The following ARHGAP28 variants were observed in gnomAD, a reference collection of about 807,000 sequenced individuals.
The protein encoded by ARHGAP28 is Rho GTPase activating protein 28.
Under a neutral mutation model 90.7 loss-of-function variants are expected in ARHGAP28, and 56 were observed. The ratio of observed to expected loss-of-function variants is 0.62; its 90% CI spans 0.50 to 0.77. The LOEUF is 0.77. Ranked by LOEUF, ARHGAP28 falls within the 30% of genes least tolerant of loss-of-function variation. ARHGAP28 has a pLI of 0.00. For missense variants in ARHGAP28, 869 were observed against 900.9 expected (o/e 0.96, Z 0.45); for synonymous variants, 308 against 323.3 (o/e 0.95, Z 0.51).
chr18:6,885,962 C>G (rs684098), intron 11 of ARHGAP28, among the ~76,000 whole-genome samples: 123,973 of 152,112 alleles, frequency 0.82, 50,770 homozygotes, highest in Non-Finnish European at 0.86. Context: ...TGTATTTGCT[C>G]TTTTCAGTAA....
chr18:6,768,167 C>T (rs983222882), intron 1 of ARHGAP28, among the ~76,000 whole-genome samples: 18 of 152,024 alleles, frequency 1.2e-4, no homozygotes, highest in Non-Finnish European at 2.4e-4. Context: ...TCTCCCATTT[C>T]TCTCCTCTTA....
intron 1 of ARHGAP28, among the ~76,000 whole-genome samples, chr18:6,765,990 T>G (rs983653095): frequency 6.6e-6 from 1 of 152,224 alleles, no homozygotes; most frequent in Non-Finnish European, 1.5e-5. Flanking sequence ...TTGCATGAAT[T>G]AAGTCCTTTA....
chr18:6,731,126 G>A (rs2055877771), intron 1 of ARHGAP28, among the ~76,000 whole-genome samples: 1 of 140,518 alleles, frequency 7.1e-6, no homozygotes, highest in Non-Finnish European at 1.6e-5. Context: ...AAAGACAGTG[G>A]GAAAATCACA....
At chr18:6,907,788 G>A (rs1179107404) in intron 16 of ARHGAP28, among the ~76,000 whole-genome samples, 1 of 152,182 alleles carries the variant, frequency 6.6e-6, no homozygotes, top group Non-Finnish European at 1.5e-5. Context: ...AGTTTTGTGA[G>A]ATGTTACTAT....
chr18:6,794,122 G>A (rs565174898), intron 1 of ARHGAP28, among the ~76,000 whole-genome samples: 6 of 152,238 alleles, frequency 3.9e-5, no homozygotes, highest in African/African-American at 1.2e-4. Flanking sequence ...AGAAAATTGT[G>A]CTTAAAATAG....
intron 1 of ARHGAP28, among the ~76,000 whole-genome samples, chr18:6,778,147 A>G (rs893948572): frequency 8.5e-5 from 13 of 152,182 alleles, no homozygotes; most frequent in African/African-American, 2.9e-4. Flanking sequence ...GGAGATGTGT[A>G]TAACTCATTC....
chr18:6,907,149 G>A (rs2057368547), intron 16 of ARHGAP28, among the ~76,000 whole-genome samples: 1 of 152,148 alleles, frequency 6.6e-6, no homozygotes, highest in Non-Finnish European at 1.5e-5. Context: ...AAAAAATAGT[G>A]ACAACACCAA....
In ARHGAP28 at chr18:6,870,969, T is replaced by G. The variant is rs747813806; in HGVS notation, c.954+237T>G. 7.0e-4 allele frequency among the ~76,000 whole-genome samples: 106 copies of G among 152,040 alleles called. 2 individuals are homozygous for G. The highest frequency in any genetic ancestry group is 7.8e-4 in the Non-Finnish European group (53 of 67,986). On this transcript the variant is annotated intron_variant, in intron 7 of 17. Coordinates refer to ENST00000383472, the MANE Select transcript of ARHGAP28 (RefSeq NM_001366230.1). ...GCACCTGCCAACTTGCCCGGCTAAT[T>G]TTTTGTATTTTTGGTAGAGATGGGG... is the stretch of plus-strand genomic sequence containing the variant.
chr18:6,730,023 G>C, intron 1 of ARHGAP28, 80 bp downstream of exon 1: 3 of 1,253,422 alleles, frequency 2.4e-6, no homozygotes, highest in Non-Finnish European at 2.0e-6. Context: ...CCTTGTGCCT[G>C]AGCGCACGAC....
intron 1 of ARHGAP28, among the ~76,000 whole-genome samples, chr18:6,761,534 A>AT (rs1365427091): frequency 6.6e-6 from 1 of 152,142 alleles, no homozygotes; most frequent in Non-Finnish European, 1.5e-5. Flanking sequence ...CACAGCATGA[A>AT]TCTGGGCTCC....
intron 7 of ARHGAP28, 81 bp downstream of exon 7, chr18:6,870,813 T>G (rs2057078374): frequency 6.2e-6 from 9 of 1,453,320 alleles, no homozygotes; most frequent in Non-Finnish European, 8.3e-6. Context: ...TTCTTTTTTT[T>G]TTTTGAGACG....
chr18:6,789,695 T>G (rs2056392003), intron 1 of ARHGAP28: 1 of 152,086 alleles, frequency 6.6e-6, no homozygotes, highest in Non-Finnish European at 1.5e-5. Context: ...TACATCCCAA[T>G]TTTTAATTTA....
chr18:6,745,983 G>A (rs539486424), intron 1 of ARHGAP28, among the ~76,000 whole-genome samples: 45 of 152,278 alleles, frequency 3.0e-4, no homozygotes, highest in Middle Eastern at 6.8e-3. Flanking sequence ...TGCATCTGGA[G>A]ACTCATTTCT....
chr18:6,880,749 C>T (rs2057171451), intron 10 of ARHGAP28, among the ~76,000 whole-genome samples: 1 of 152,164 alleles, frequency 6.6e-6, no homozygotes, highest in Non-Finnish European at 1.5e-5. Context: ...GAGTTTGACT[C>T]CTCTCTTTCC....
chr18:6,890,668 T>C (rs939957815), intron 14 of ARHGAP28, 125 bp downstream of exon 14: 4 of 576,298 alleles, frequency 6.9e-6, no homozygotes, highest in Admixed American at 6.4e-5. Context: ...GGGAGTGTTG[T>C]AACTATAAAC....
chr18:6,843,629 A>G (rs899934833), intron 3 of ARHGAP28, among the ~76,000 whole-genome samples: 1 of 152,188 alleles, frequency 6.6e-6, no homozygotes, highest in African/African-American at 2.4e-5. Flanking sequence ...ACTTGGAGTA[A>G]TTTGCAGGGA....
intron 1 of ARHGAP28, among the ~76,000 whole-genome samples, chr18:6,761,422 G>C (rs368704147): frequency 3.3e-5 from 5 of 152,162 alleles, no homozygotes; most frequent in African/African-American, 1.2e-4. Context: ...AGTTGGAAAG[G>C]CTGCTTATGT....
At chr18:6,858,719 T>C (rs1031451153) in intron 4 of ARHGAP28, among the ~76,000 whole-genome samples, 1 of 152,044 alleles carries the variant, frequency 6.6e-6, no homozygotes, top group Non-Finnish European at 1.5e-5. Flanking sequence ...TCAGTAGAGA[T>C]GGGGTTTCCC....
chr18:6,747,071 CT>C (rs5822923), intron 1 of ARHGAP28, among the ~76,000 whole-genome samples: 66,857 of 138,556 alleles, frequency 0.48, 15,595 homozygotes, highest in South Asian at 0.61. Context: ...CATTTATTTT[CT>C]TTTTTTTTTT....
Sources: gnomAD v4.1 joint callset for allele counts (sites outside exome capture counted in the v4.1 genomes callset) on GRCh38, gnomAD v4.1.1 for gene constraint, MANE v1.5 for transcripts, NCBI Gene and HGNC (gene_info 2026-07-23, HGNC 2026-07-21) for gene names.